CHST15: variants seen among roughly 807,000 people sequenced by gnomAD.
The protein encoded by CHST15 is carbohydrate sulfotransferase 15.
Under a neutral mutation model 53.6 loss-of-function variants are expected in CHST15, and 30 were observed. That is an observed-to-expected ratio of 0.56 (90% CI 0.42 to 0.76). The LOEUF (loss-of-function observed/expected upper bound fraction) is 0.76. CHST15 is among the 30% of genes least tolerant of loss of function. The pLI, the probability that CHST15 is intolerant of heterozygous loss-of-function variation, is 0.00. For synonymous variants in CHST15, 296 were observed against 289.8 expected (o/e 1.02, Z -0.22); for missense variants, 627 against 740.5 (o/e 0.85, Z 1.78).
At chr10:124,057,001 G>A (rs886773641) in intron 1 of CHST15, among the ~76,000 whole-genome samples, 6 of 152,114 alleles carry the variant, frequency 3.9e-5, no homozygotes, top group Non-Finnish European at 8.8e-5. Context: ...GACCGGACAC[G>A]CTGCGGCCCA....
intron 1 of CHST15, among the ~76,000 whole-genome samples, chr10:124,079,419 G>A (rs1265910477): frequency 6.6e-6 from 1 of 152,236 alleles, no homozygotes; most frequent in East Asian, 1.9e-4. Context: ...CCACAAGAAA[G>A]CCTGGCATTA....
intron 3 of CHST15, among the ~76,000 whole-genome samples, chr10:124,044,084 G>A (rs1005328217): frequency 7.0e-6 from 1 of 143,086 alleles, no homozygotes; most frequent in African/African-American, 2.9e-5. Context: ...AGAGCAGGGA[G>A]CGGCACAGAG....
rs1223611477 is a variant in CHST15, at chr10:124,046,371, A to T, written c.-159T>A. Reference sequence around the variant, plus strand: ...TACAAAAATAAGCAGACACCACAGCACTAGAGAAAGAGGGTGCACATTCTT... The same window carrying T: ...TACAAAAATAAGCAGACACCACAGCTCTAGAGAAAGAGGGTGCACATTCTT... On this transcript the variant is annotated 5_prime_UTR_variant, in exon 2 of 8. Transcript: ENST00000435907. 14 of 654,496 alleles carry T rather than the reference A, an allele frequency of 2.1e-5. No individual in the cohort carries two copies. Among genetic ancestry groups the T allele is most frequent in the Admixed American group, 9.5e-5 (3 of 31,506 alleles). The allele number at this position is 654,496 out of a possible 1,614,324, so 40.5% of individuals were successfully genotyped here. A position where few individuals can be genotyped will look rare whatever the true frequency, so the allele number is the denominator to read the frequency against.
At chr10:124,053,110 A>G (rs753041900) in intron 1 of CHST15, among the ~76,000 whole-genome samples, 6 of 152,186 alleles carry the variant, frequency 3.9e-5, no homozygotes, top group South Asian at 2.1e-4. Context: ...CTGGCCCACA[A>G]TGGGAATTTG....
At chr10:124,031,408 A>G (rs1249080075) in intron 5 of CHST15, among the ~76,000 whole-genome samples, 1 of 152,208 alleles carries the variant, frequency 6.6e-6, no homozygotes, top group Non-Finnish European at 1.5e-5. Context: ...AGAAACCCAG[A>G]TGGCACAGCC....
At chr10:124,069,375 C>A (rs1401593361) in intron 1 of CHST15, among the ~76,000 whole-genome samples, 3 of 152,214 alleles carry the variant, frequency 2.0e-5, no homozygotes, top group Non-Finnish European at 4.4e-5. Context: ...GGACCCCCCC[C>A]CCAACTATTG....
chr10:124,091,560 G>C (rs1424568794), intron 1 of CHST15, among the ~76,000 whole-genome samples: 1 of 152,196 alleles, frequency 6.6e-6, no homozygotes, highest in Non-Finnish European at 1.5e-5. Flanking sequence ...GAGGGGCTGG[G>C]GGCACTGCTA....
At position 124,008,216 on chromosome 10, in the gene CHST15, A is replaced by T. The variant is rs117642374; in HGVS notation, c.*1933T>A. 1.3e-4 allele frequency: 154 copies of T among 1,224,814 alleles called. No individual in the cohort carries two copies. In the East Asian group the frequency reaches 4.8e-3, roughly 38 times the overall value. 75.9% of individuals were successfully genotyped at this position (1,224,814 alleles called of 1,614,324 possible). ...TATGGTTGGTGTGGAATAGTAAAAT[A>T]TGTACTGAAAATGACAAGTTAATTG... On this transcript the variant is annotated 3_prime_UTR_variant, in exon 8 of 8. Transcript: ENST00000435907.
In CHST15 at chr10:124,038,751, C is replaced by T. The variant is rs545509018; in HGVS notation, c.1034-80G>A. ...GTGGCTCTAGGTGCCAGAGGCCACA[C>T]CTGGCCCCGATGCCTTCCTCTTAAG... On this transcript the variant is annotated intron_variant, in intron 4 of 7. Transcript: ENST00000435907. The T allele has an allele frequency of 4.1e-4, 602 of 1,463,934 alleles. 1 individual carries two copies. The African/African-American group carries it at 7.1e-3, about 17-fold the overall frequency. The allele number at this position is 1,463,934 out of a possible 1,614,324, so 90.7% of individuals were successfully genotyped here.
Position 124,046,525 on chromosome 10 carries a change from G to A in CHST15, c.-313C>T. Reference sequence around the variant, plus strand: ...GCCTGCCCTTCAGGTTTTTCCCATGGCACAAAAAAAGGTGGAAGAATTCTC... The same window carrying A: ...GCCTGCCCTTCAGGTTTTTCCCATGACACAAAAAAAGGTGGAAGAATTCTC... On this transcript the variant is annotated 5_prime_UTR_variant, in exon 2 of 8. Transcript: ENST00000435907. The A allele has an allele frequency of 7.6e-6, 2 of 264,212 alleles. No homozygotes were observed. Among genetic ancestry groups the A allele is most frequent in the South Asian group, 1.4e-4 (1 of 7,144 alleles). The allele number at this position is 264,212 out of a possible 1,614,324, so 16.4% of individuals were successfully genotyped here.
At chr10:124,020,105 C>G (rs1946722042) in intron 6 of CHST15, 1 of 985,600 alleles carries the variant, frequency 1.0e-6, no homozygotes, top group African/African-American at 1.7e-5. Flanking sequence ...CACACCTGTC[C>G]TGGCATTGCT....
intron 7 of CHST15, 75 bp downstream of exon 7, chr10:124,012,258 T>A (rs1946437031): frequency 6.5e-7 from 1 of 1,534,954 alleles, no homozygotes; most frequent in African/African-American, 1.4e-5. Flanking sequence ...AGGTCTGCAT[T>A]TGCCCCAGAG....
intron 1 of CHST15, among the ~76,000 whole-genome samples, chr10:124,065,406 A>C (rs1948723327): frequency 6.6e-6 from 1 of 152,198 alleles, no homozygotes; most frequent in South Asian, 2.1e-4. Flanking sequence ...AAAGTAAATA[A>C]GTAATAAAAC....
intron 1 of CHST15, among the ~76,000 whole-genome samples, chr10:124,075,750 T>TC (rs577457880): frequency 2.8e-4 from 43 of 152,256 alleles, no homozygotes; most frequent in African/African-American, 1.0e-3. Flanking sequence ...CCCTGGATGC[T>TC]CCTCTCTCCC....
At chr10:124,022,137 CT>C (rs1437173604) in intron 5 of CHST15, among the ~76,000 whole-genome samples, 1 of 152,236 alleles carries the variant, frequency 6.6e-6, no homozygotes. Flanking sequence ...TAGACCTTAA[CT>C]TTTTTACCTC....
intron 5 of CHST15, among the ~76,000 whole-genome samples, chr10:124,035,436 AC>A (rs1947456208): frequency 8.9e-6 from 1 of 112,712 alleles, no homozygotes; most frequent in Non-Finnish European, 1.8e-5. Context: ...CCCTGGCTCT[AC>A]CCCCTAACAG....
At chr10:124,029,657 T>C (rs1947146013) in intron 5 of CHST15, among the ~76,000 whole-genome samples, 1 of 152,224 alleles carries the variant, frequency 6.6e-6, no homozygotes, top group Non-Finnish European at 1.5e-5. Flanking sequence ...CAGATGTTTC[T>C]ACAAGCAAGA....
chr10:124,038,192 C>T (rs1199919443), intron 5 of CHST15, among the ~76,000 whole-genome samples: 5 of 151,862 alleles, frequency 3.3e-5, no homozygotes, highest in African/African-American at 7.3e-5. Flanking sequence ...CTGCAGCCTC[C>T]GCCTCCTGGA....
chr10:124,013,699 C>T (rs1946490469), intron 6 of CHST15, among the ~76,000 whole-genome samples: 1 of 152,196 alleles, frequency 6.6e-6, no homozygotes, highest in Admixed American at 6.5e-5. Flanking sequence ...CCACAGTTCA[C>T]CCTAAACTCT....
Sources: gnomAD v4.1 joint callset for allele counts (sites outside exome capture counted in the v4.1 genomes callset) on GRCh38, gnomAD v4.1.1 for gene constraint, MANE v1.5 for transcripts, NCBI Gene and HGNC (gene_info 2026-07-23, HGNC 2026-07-21) for gene names.